Variants in DYTN observed in about 807,000 individuals in gnomAD.
DYTN encodes dystrotelin.
A neutral mutation model predicts 69.6 loss-of-function variants in DYTN; 75 were observed. That is an observed-to-expected ratio of 1.08 (90% confidence interval 0.89 to 1.31). DYTN has a LOEUF of 1.31. DYTN is among the 50% of genes most tolerant of loss of function. The pLI, the probability that DYTN is intolerant of heterozygous loss-of-function variation, is 0.00. For missense variants in DYTN, 726 were observed against 688.4 expected (o/e 1.05, Z -0.61); for synonymous variants, 252 against 249.1 (o/e 1.01, Z -0.11).
intron 9 of DYTN, among the ~76,000 whole-genome samples, chr2:206,667,961 G>A (rs1304283198): frequency 2.0e-5 from 3 of 152,138 alleles, no homozygotes; most frequent in Non-Finnish European, 4.4e-5. Flanking sequence ...GGGCTCCCAT[G>A]CAAAGCAGGC....
intron 9 of DYTN, among the ~76,000 whole-genome samples, chr2:206,667,684 A>AG (rs1234631385): frequency 1.4e-5 from 2 of 141,370 alleles, no homozygotes; most frequent in South Asian, 4.5e-4. Context: ...TTATTCTGGC[A>AG]ACTTTGCGTG....
At chr2:206,700,068 T>C in intron 6 of DYTN, 77 bp downstream of exon 6, 2 of 1,588,690 alleles carry the variant, frequency 1.3e-6, no homozygotes, top group Non-Finnish European at 1.7e-6. Context: ...AATAGGTCTG[T>C]AATGTAAATC....
rs143390125 is a variant in DYTN, at chr2:206,697,693, G to C, written c.719+2034C>G. Reference sequence around the variant, plus strand: ...AAAACCCCAAACTGAGGTCTAGAGAGGTTAAACACCTTGCCCAGGTCTCCT... The same window carrying C: ...AAAACCCCAAACTGAGGTCTAGAGACGTTAAACACCTTGCCCAGGTCTCCT... On this transcript the variant is annotated intron_variant, in intron 7 of 11. Transcript: ENST00000452335. Among the ~76,000 whole-genome samples the C allele has an allele frequency of 3.9e-5, 6 of 152,292 alleles. No individual in the cohort carries two copies. The East Asian group carries it at 9.7e-4, about 24-fold the overall frequency.
At chr2:206,658,245 T>G (rs1327059320) in intron 11 of DYTN, among the ~76,000 whole-genome samples, 2 of 152,162 alleles carry the variant, frequency 1.3e-5, no homozygotes, top group African/African-American at 2.4e-5. Context: ...ATTTCGTTCA[T>G]GTATTGTTCT....
intron 7 of DYTN, among the ~76,000 whole-genome samples, chr2:206,695,372 T>C (rs1012662974): frequency 6.6e-6 from 1 of 152,178 alleles, no homozygotes; most frequent in Non-Finnish European, 1.5e-5. Context: ...TGGGGAAAAT[T>C]AAGCCATAAA....
rs377442544 is a variant in DYTN, at chr2:206,666,027, A to G, written c.983T>C (p.Leu328Pro). 4 of 1,613,294 alleles carry G rather than the reference A, an allele frequency of 2.5e-6. No homozygotes were observed. In the African/African-American group the frequency reaches 5.3e-5, roughly 22 times the overall value. ...KGVPHHAQAR[L>P]LKKQLNQYKD... ...GTATTGGTTTAACTGTTTTTTAAGG[A>G]GCCTGAAAAGAGAACAGATTTGAGC... The change falls in exon 10 of 12, where the codon CTC becomes CCC. Residue 328 changes from leucine to proline, a missense_variant and splice_region_variant. By Grantham distance (98) the Leu-to-Pro change is moderately conservative. Coordinates refer to ENST00000452335, the MANE Select transcript of DYTN (RefSeq NM_001093730.1).
At chr2:206,676,557 A>T (rs1186895873) in intron 9 of DYTN, among the ~76,000 whole-genome samples, 1 of 152,194 alleles carries the variant, frequency 6.6e-6, no homozygotes, top group Non-Finnish European at 1.5e-5. Flanking sequence ...CGTTCAACAC[A>T]TATATCCCAG....
Position 206,707,477 on chromosome 2 carries a change from G to C in DYTN, c.121C>G (p.Gln41Glu). The C allele has an allele frequency of 4.3e-6, 7 of 1,610,894 alleles. No homozygotes were observed. The highest frequency in any genetic ancestry group is 2.2e-5 in the South Asian group (2 of 89,980). ...QLDLIDSSLI[Q>E]QVLLRPSFWE... is the part of the protein sequence containing the mutation. ...AAACTTGGACGCAGTAGGACCTGCT[G>C]AATCAGGGAGCTGTCAATCAAGTCC... Residue 41 changes from glutamine (Q) to glutamate (E), a missense_variant, in exon 3 of 12, where the codon CAG becomes GAG. By Grantham distance (29) the Gln-to-Glu change is conservative (BLOSUM62 2). Transcript: ENST00000452335.
intron 9 of DYTN, among the ~76,000 whole-genome samples, chr2:206,684,354 G>C (rs1447456248): frequency 6.6e-6 from 1 of 151,870 alleles, no homozygotes; most frequent in East Asian, 1.9e-4. Flanking sequence ...ACCCAGGCTG[G>C]AGTGCAGTGG....
At position 206,665,869 on chromosome 2, in the gene DYTN, C is replaced by T. The variant is rs776854974; in HGVS notation, c.1140+1G>A. On this transcript the variant is annotated splice_donor_variant, in intron 10 of 11. Transcript: ENST00000452335. LOFTEE classifies it high-confidence loss of function. ...TGGCCAGTGTCCCTCACATTTTATA[C>T]CTGTAGGTCCCGTCTTATCTGTTGT... 6.2e-7 allele frequency: 1 copy of T among 1,613,186 alleles called. No homozygotes were observed. Among genetic ancestry groups the T allele is most frequent in the South Asian group, 1.1e-5 (1 of 90,876 alleles).
In DYTN at chr2:206,665,924, T is replaced by G; in HGVS notation, c.1086A>C (p.Lys362Asn). 1 of 1,613,978 alleles carries G rather than the reference T, an allele frequency of 6.2e-7. No individual in the cohort carries two copies. ...TGGTCCATAGACTATCCTGGTTGGT[T>G]TTGAGTTTGTGAATCCTTGTTTCAA... ...CRFETRIHKL[K>N]TNQDSLWTKL... is the part of the protein sequence containing the mutation. The change falls in exon 10 of 12, where the codon AAA becomes AAC. Residue 362 changes from lysine to asparagine, a missense_variant. Coordinates refer to ENST00000452335, the MANE Select transcript of DYTN (RefSeq NM_001093730.1).
chr2:206,675,685 G>A (rs577933878), intron 9 of DYTN, among the ~76,000 whole-genome samples: 1 of 152,148 alleles, frequency 6.6e-6, no homozygotes, highest in Admixed American at 6.5e-5. Flanking sequence ...AATACTAATA[G>A]GATTAATTTT....
intron 9 of DYTN, among the ~76,000 whole-genome samples, chr2:206,678,602 T>C (rs1343853119): frequency 6.6e-6 from 1 of 152,226 alleles, no homozygotes; most frequent in Admixed American, 6.5e-5. Flanking sequence ...AAAAATTATA[T>C]AACCATTAAG....
chr2:206,664,892 T>C (rs796386958), intron 10 of DYTN, among the ~76,000 whole-genome samples: 4 of 152,270 alleles, frequency 2.6e-5, no homozygotes, highest in African/African-American at 9.6e-5. Flanking sequence ...AAATGACCAA[T>C]GTATAATGTT....
intron 10 of DYTN, among the ~76,000 whole-genome samples, chr2:206,665,005 T>A (rs1420031095): frequency 1.3e-5 from 2 of 152,234 alleles, no homozygotes; most frequent in East Asian, 3.8e-4. Context: ...TAAAGTCTCC[T>A]TTAAGAAGCT....
At position 206,711,691 on chromosome 2, in the gene DYTN, C is replaced by T. The variant is rs529749231; in HGVS notation, c.20-1093G>A. Among the ~76,000 whole-genome samples the T allele has an allele frequency of 7.2e-5, 11 of 151,924 alleles. No homozygotes were observed. In the South Asian group the frequency reaches 1.2e-3, roughly 17 times the overall value. On this transcript the variant is annotated intron_variant, in intron 1 of 11. Transcript: ENST00000452335. ...TGTGGGTGTGCTGCACCCATTAACT[C>T]GTCATTTAACATTAGGTGTATCTCC...
chr2:206,684,913 A>G (rs1211471589), intron 9 of DYTN, among the ~76,000 whole-genome samples: 1 of 152,186 alleles, frequency 6.6e-6, no homozygotes, highest in Admixed American at 6.5e-5. Context: ...TCAGATAATA[A>G]GTTTTATCAG....
At chr2:206,697,284 C>T (rs1321193799) in intron 7 of DYTN, among the ~76,000 whole-genome samples, 1 of 152,128 alleles carries the variant, frequency 6.6e-6, no homozygotes, top group Non-Finnish European at 1.5e-5. Context: ...GTATAGAACC[C>T]AGGTTTTCTC....
chr2:206,659,199 T>C (rs1699480549), intron 11 of DYTN, among the ~76,000 whole-genome samples: 1 of 116,110 alleles, frequency 8.6e-6, no homozygotes, highest in Admixed American at 1.2e-4. Context: ...TGAGACGGAG[T>C]CTCACCCTGT....
Sources: allele counts gnomAD v4.1 joint callset (sites outside exome capture counted in the v4.1 genomes callset), GRCh38; gene constraint gnomAD v4.1.1; transcripts MANE v1.5; gene names NCBI Gene and HGNC (gene_info 2026-07-23, HGNC 2026-07-21).